AMDHD1: variants seen among roughly 807,000 people sequenced by gnomAD.
AMDHD1 encodes amidohydrolase domain containing 1.
AMDHD1 carries 45 observed loss-of-function variants against 44.1 expected under a neutral mutation model. The ratio of observed to expected loss-of-function variants is 1.02; its 90% CI spans 0.80 to 1.31. AMDHD1 has a LOEUF of 1.31. Among genes scored for constraint, AMDHD1 ranks in the 50% most tolerant of loss-of-function variants. The pLI, the probability that AMDHD1 is intolerant of heterozygous loss-of-function variation, is 0.00. For synonymous variants in AMDHD1, 206 were observed against 205.0 expected (o/e 1.00, Z -0.04); for missense variants, 586 against 552.1 (o/e 1.06, Z -0.61).
chr12:95,967,204 T>G (rs555699237), intron 8 of AMDHD1, among the ~76,000 whole-genome samples: 16 of 152,188 alleles, frequency 1.1e-4, no homozygotes, highest in South Asian at 2.1e-4. Context: ...CTTGTGAGAT[T>G]TATTCACTAT....
At chr12:95,952,937 AT>A in intron 2 of AMDHD1, 114 bp downstream of exon 2, 3 of 631,340 alleles carry the variant, frequency 4.8e-6, no homozygotes, top group South Asian at 2.1e-5. Flanking sequence ...TTTAAAAAAA[AT>A]CATCGTTCCA....
At chr12:95,952,675 G>T (rs1437469544) in intron 1 of AMDHD1, 42 bp from the exon 2 acceptor site, 2 of 1,325,078 alleles carry the variant, frequency 1.5e-6, no homozygotes, top group East Asian at 2.3e-5. Flanking sequence ...TTTCTCACAA[G>T]ATTTCCCCAA....
chr12:95,948,451 C>A (rs1329401053), intron 1 of AMDHD1, among the ~76,000 whole-genome samples: 67 of 65,736 alleles, frequency 1.0e-3, no homozygotes, highest in African/African-American at 4.5e-3. Flanking sequence ...AAGTGAGGAG[C>A]CCCTCTGCCC....
At chr12:95,952,950 G>A (rs1275585439) in intron 2 of AMDHD1, 127 bp downstream of exon 2, 6 of 591,080 alleles carry the variant, frequency 1.0e-5, no homozygotes, top group Admixed American at 3.0e-5. Flanking sequence ...ATCGTTCCAT[G>A]TATTGAATTT....
chr12:95,949,218 G>A (rs41331547), intron 1 of AMDHD1, among the ~76,000 whole-genome samples: 29,216 of 145,850 alleles, frequency 0.2, 3,818 homozygotes, highest in East Asian at 0.45. Context: ...TGGGAGGATC[G>A]GGAGAGGTGT....
intron 1 of AMDHD1, among the ~76,000 whole-genome samples, chr12:95,952,139 C>G (rs941598462): frequency 6.6e-6 from 1 of 152,106 alleles, no homozygotes; most frequent in Non-Finnish European, 1.5e-5. Context: ...TGTGGGGTAT[C>G]CCTCAAGAAA....
intron 1 of AMDHD1, among the ~76,000 whole-genome samples, chr12:95,945,003 G>T (rs372917918): frequency 6.6e-6 from 1 of 152,042 alleles, no homozygotes; most frequent in Non-Finnish European, 1.5e-5. Context: ...GCATGGCGGC[G>T]CACGTCTGTA....
intron 1 of AMDHD1, 121 bp from the exon 2 acceptor site, chr12:95,952,596 A>G: frequency 1.5e-6 from 1 of 653,438 alleles, no homozygotes; most frequent in Non-Finnish European, 2.6e-6. Context: ...GGTTCAAGAT[A>G]GAAGCACAGT....
chr12:95,964,143 A>C (rs974890808), intron 6 of AMDHD1, among the ~76,000 whole-genome samples: 8 of 152,088 alleles, frequency 5.3e-5, no homozygotes, highest in South Asian at 2.1e-4. Flanking sequence ...AAAAGTCTGA[A>C]CTTTGTTCCT....
intron 6 of AMDHD1, among the ~76,000 whole-genome samples, chr12:95,964,047 A>G (rs2080596588): frequency 6.6e-6 from 1 of 151,928 alleles, no homozygotes; most frequent in South Asian, 2.1e-4. Flanking sequence ...AAAAAAAAAA[A>G]AAAGGCCTTT....
intron 7 of AMDHD1, 33 bp from the exon 8 acceptor site, chr12:95,966,315 C>T: frequency 6.2e-7 from 1 of 1,609,914 alleles, no homozygotes; most frequent in East Asian, 2.2e-5. Flanking sequence ...CCATATGTCA[C>T]TTTCCTCCAA....
At chr12:95,964,830 G>A (rs551125939) in intron 6 of AMDHD1, among the ~76,000 whole-genome samples, 39 of 149,580 alleles carry the variant, frequency 2.6e-4, no homozygotes, top group Non-Finnish European at 5.0e-4. Context: ...TCACCAGGGA[G>A]GTCAAGGGGA....
Position 95,962,414 on chromosome 12 carries a change from C to T in AMDHD1, c.873C>T (p.Gly291=). 2 of 1,614,008 alleles carry T rather than the reference C, an allele frequency of 1.2e-6. No individual in the cohort carries two copies. Among genetic ancestry groups the T allele is most frequent in the Non-Finnish European group, 1.7e-6 (2 of 1,179,958 alleles). Residue 291 remains glycine, a synonymous_variant, in exon 6 of 9, where the codon GGC becomes GGT. Coordinates refer to ENST00000266736, the MANE Select transcript of AMDHD1 (RefSeq NM_152435.3). The part of the protein sequence containing the change: ...ISHLEEVSDE[G]IVAMATARCS... ...ACCTGGAAGAAGTGAGTGATGAAGGCATCGTTGCCATGGCAACGGCCAGGT... is the reference window on the plus strand; with the variant it reads ...ACCTGGAAGAAGTGAGTGATGAAGGTATCGTTGCCATGGCAACGGCCAGGT...
At chr12:95,966,560 G>A (rs1416509554) in intron 8 of AMDHD1, 52 bp downstream of exon 8, 1 of 1,602,312 alleles carries the variant, frequency 6.2e-7, no homozygotes, top group Non-Finnish European at 8.5e-7. Flanking sequence ...GAAGTATGCA[G>A]ATGAGGCCTA....
chr12:95,964,501 C>T (rs7976105), intron 6 of AMDHD1, among the ~76,000 whole-genome samples: 17,493 of 152,008 alleles, frequency 0.12, 1,338 homozygotes, highest in Non-Finnish European at 0.18. Flanking sequence ...CTCTTTTACC[C>T]CTAAGTATTT....
At chr12:95,950,144 G>A (rs768148236) in intron 1 of AMDHD1, among the ~76,000 whole-genome samples, 1 of 152,066 alleles carries the variant, frequency 6.6e-6, no homozygotes, top group Non-Finnish European at 1.5e-5. Context: ...TAATCCTGCC[G>A]GTCCTTTCCA....
chr12:95,966,579 T>G lies in AMDHD1; in HGVS notation c.1193+71T>G. 3 of 1,550,094 alleles carry G rather than the reference T, an allele frequency of 1.9e-6. No homozygotes were observed. In the South Asian group the frequency reaches 3.4e-5, roughly 18 times the overall value. On this transcript the variant is annotated intron_variant, in intron 8 of 8. Transcript: ENST00000266736. ...TATGCAGATGAGGCCTAAATCCCTT[T>G]TCCACTAATTATTAGTGTCAGACTC... is the stretch of plus-strand genomic sequence containing the variant.
rs201085031 is a variant in AMDHD1 at position 95,956,749 on chromosome 12, G to A, written c.374G>A (p.Arg125His). 95 of 1,614,166 alleles carry A rather than the reference G, an allele frequency of 5.9e-5. No individual in the cohort carries two copies. In the East Asian group the frequency reaches 2.0e-3, roughly 34 times the overall value. ...GGAGGGATCCACTTTACCGTGGAGC[G>A]CACGCGCCAAGCCACAGAGGAGGAG... ...AGGGIHFTVERTRQATEEELF... is the reference protein window; with the variant it reads ...AGGGIHFTVEHTRQATEEELF... Residue 125 changes from arginine to histidine, a missense_variant, in exon 4 of 9, where the codon CGC becomes CAC. By Grantham distance (29) the Arg-to-His change is conservative. Coordinates refer to ENST00000266736, the MANE Select transcript of AMDHD1 (RefSeq NM_152435.3).
chr12:95,967,259 C>T (rs1456070933), intron 8 of AMDHD1, among the ~76,000 whole-genome samples: 1 of 152,226 alleles, frequency 6.6e-6, no homozygotes, highest in Non-Finnish European at 1.5e-5. Flanking sequence ...ATTCAATTAC[C>T]TCCCACTGGG....
Sources: allele counts gnomAD v4.1 joint callset (sites outside exome capture counted in the v4.1 genomes callset), GRCh38; gene constraint gnomAD v4.1.1; transcripts MANE v1.5; gene names NCBI Gene and HGNC (gene_info 2026-07-23, HGNC 2026-07-21).